MACROD2: variants seen among roughly 807,000 people sequenced by gnomAD.
The protein encoded by MACROD2 is mono-ADP ribosylhydrolase 2.
MACROD2 carries 36 observed loss-of-function variants against 70.4 expected under a neutral mutation model. The ratio of observed to expected loss-of-function variants is 0.51; its 90% CI spans 0.39 to 0.68. MACROD2 has a LOEUF of 0.68. MACROD2 is among the 30% of genes least tolerant of loss of function. The pLI, the probability that MACROD2 is intolerant of heterozygous loss-of-function variation, is 0.00. For missense variants in MACROD2, 496 were observed against 538.4 expected, an observed-to-expected ratio of 0.92 and a Z score of 0.78; for synonymous variants, 172 against 178.8, an observed-to-expected ratio of 0.96 and a Z score of 0.30.
At chr20:14,910,866 G>A (rs893830920) in intron 5 of MACROD2, among the ~76,000 whole-genome samples, 1 of 152,096 alleles carries the variant, frequency 6.6e-6, no homozygotes, top group Non-Finnish European at 1.5e-5. Flanking sequence ...TAATTCCCTA[G>A]AGCGAAGTCT....
intron 3 of MACROD2, among the ~76,000 whole-genome samples, chr20:14,118,661 A>G (rs59829496): frequency 2.4e-4 from 36 of 152,156 alleles, no homozygotes; most frequent in African/African-American, 8.4e-4. Flanking sequence ...TTTCATTTTT[A>G]TTCTACCCTT....
intron 4 of MACROD2, among the ~76,000 whole-genome samples, chr20:14,531,425 A>G (rs1395161210): frequency 6.6e-6 from 1 of 152,182 alleles, no homozygotes; most frequent in Non-Finnish European, 1.5e-5. Flanking sequence ...TCCCAAGCAA[A>G]GGGATGCCTG....
intron 2 of MACROD2, among the ~76,000 whole-genome samples, chr20:14,040,385 ATTT>A (rs909166315): frequency 6.6e-6 from 1 of 152,244 alleles, no homozygotes; most frequent in East Asian, 1.9e-4. Flanking sequence ...AAAAGGTATA[ATTT>A]TTTTAGCTTA....
Position 15,063,067 on chromosome 20 carries a change from A to G in MACROD2, c.419-166873A>G, listed in dbSNP as rs932012006. On this transcript the variant is annotated intron_variant, in intron 5 of 17. Coordinates refer to ENST00000684519, the MANE Select transcript of MACROD2 (RefSeq NM_001351661.2). ...CATTTCCAAAGGGATTCGAAGCAGCAAACTCATGCAGCTTTATCTGCTTCA... is the reference window on the plus strand; with the variant it reads ...CATTTCCAAAGGGATTCGAAGCAGCGAACTCATGCAGCTTTATCTGCTTCA... Among the ~76,000 whole-genome samples, 62 of 152,202 alleles carry G rather than the reference A, an allele frequency of 4.1e-4. 2 individuals carry two copies.
chr20:15,308,309 G>A (rs903979669), intron 6 of MACROD2, among the ~76,000 whole-genome samples: 3 of 151,974 alleles, frequency 2.0e-5, no homozygotes, highest in Non-Finnish European at 4.4e-5. Flanking sequence ...TGAGACTCTT[G>A]CTTTACAACT....
At chr20:14,806,531 G>A (rs1295999073) in intron 5 of MACROD2, among the ~76,000 whole-genome samples, 4 of 152,026 alleles carry the variant, frequency 2.6e-5, no homozygotes, top group Admixed American at 2.6e-4. Flanking sequence ...CACACATCAA[G>A]CTAGCTGCAG....
At chr20:15,179,830 A>G (rs954288203) in intron 5 of MACROD2, among the ~76,000 whole-genome samples, 7 of 152,216 alleles carry the variant, frequency 4.6e-5, no homozygotes, top group Non-Finnish European at 1.0e-4. Context: ...CAATTTAAAG[A>G]TTCCCAAATT....
In MACROD2 at chr20:14,185,621, ATAAAG is replaced by A. The variant is rs139914613; in HGVS notation, c.271+99898_271+99902del. Among the ~76,000 whole-genome samples the A allele has an allele frequency of 1.6e-4, 24 of 152,288 alleles. 1 individual carries two copies. The highest frequency in any genetic ancestry group is 2.6e-4 in the Non-Finnish European group (18 of 68,002). Reference sequence around the variant, plus strand: ...CTTTAAGATAGTAAAAATATAAAATATAAAGTAAAATAATATAAAATGCAAAGGTC... The same window carrying A: ...CTTTAAGATAGTAAAAATATAAAATATAAAATAATATAAAATGCAAAGGTC... On this transcript the variant is annotated intron_variant, in intron 3 of 17. Transcript: ENST00000684519.
At chr20:15,363,585 T>A (rs4637191) in intron 6 of MACROD2, among the ~76,000 whole-genome samples, 2,749 of 152,304 alleles carry the variant, frequency 0.018, 36 homozygotes, top group Non-Finnish European at 0.029. Flanking sequence ...CCAGCTGCAC[T>A]GTGCATCATT....
At chr20:15,176,970 C>T (rs2076466915) in intron 5 of MACROD2, among the ~76,000 whole-genome samples, 1 of 152,202 alleles carries the variant, frequency 6.6e-6, no homozygotes, top group South Asian at 2.1e-4. Flanking sequence ...GTGTGCAGTA[C>T]ATCTGGTCCA....
At chr20:14,068,938 C>T (rs1392925332) in intron 2 of MACROD2, among the ~76,000 whole-genome samples, 1 of 151,878 alleles carries the variant, frequency 6.6e-6, no homozygotes, top group East Asian at 1.9e-4. Context: ...TTTTAAATGG[C>T]TTTTTTTTGT....
chr20:14,234,770 C>T (rs990107783), intron 3 of MACROD2, among the ~76,000 whole-genome samples: 21 of 152,096 alleles, frequency 1.4e-4, no homozygotes, highest in African/African-American at 5.1e-4. Flanking sequence ...AGTTAAGCTG[C>T]ATTCTTGTCA....
At chr20:14,412,051 A>C (rs1372031085) in intron 3 of MACROD2, among the ~76,000 whole-genome samples, 4 of 152,206 alleles carry the variant, frequency 2.6e-5, no homozygotes. Flanking sequence ...TCCCCAAAAC[A>C]AAATAGCAGT....
chr20:14,613,769 G>A (rs1983310355), intron 4 of MACROD2, among the ~76,000 whole-genome samples: 1 of 151,990 alleles, frequency 6.6e-6, no homozygotes, highest in Non-Finnish European at 1.5e-5. Flanking sequence ...AGAACAAAGA[G>A]CATTCCATTT....
At chr20:15,345,603 A>G (rs546229471) in intron 6 of MACROD2, among the ~76,000 whole-genome samples, 2 of 152,350 alleles carry the variant, frequency 1.3e-5, no homozygotes, top group East Asian at 1.9e-4. Context: ...GTGCTGTCCA[A>G]TATGGTAGCC....
At chr20:14,670,510 T>A (rs1399181194) in intron 4 of MACROD2, among the ~76,000 whole-genome samples, 1 of 152,156 alleles carries the variant, frequency 6.6e-6, no homozygotes, top group Non-Finnish European at 1.5e-5. Context: ...CTTTACAATG[T>A]TTCGTCAGAT....
At chr20:14,073,007 A>C (rs1451027153) in intron 2 of MACROD2, among the ~76,000 whole-genome samples, 1 of 152,132 alleles carries the variant, frequency 6.6e-6, no homozygotes, top group African/African-American at 2.4e-5. Flanking sequence ...GAACTAAATA[A>C]AAATGTCTAT....
At chr20:14,196,760 C>T (rs1392981440) in intron 3 of MACROD2, among the ~76,000 whole-genome samples, 1 of 152,178 alleles carries the variant, frequency 6.6e-6, no homozygotes, top group Non-Finnish European at 1.5e-5. Context: ...ATTTGGGTCT[C>T]CTCTTTCTCT....
chr20:15,165,175 G>T (rs757820907), intron 5 of MACROD2, among the ~76,000 whole-genome samples: 4 of 152,208 alleles, frequency 2.6e-5, no homozygotes, highest in Non-Finnish European at 5.9e-5. Flanking sequence ...CTTGACACCG[G>T]CTGGGTACGG....
Sources: allele counts gnomAD v4.1 joint callset (sites outside exome capture counted in the v4.1 genomes callset), GRCh38; gene constraint gnomAD v4.1.1; transcripts MANE v1.5; gene names NCBI Gene and HGNC (gene_info 2026-07-23, HGNC 2026-07-21).